Variants in CXADR observed in about 807,000 individuals in gnomAD.
The protein encoded by CXADR is coxsackievirus and adenovirus receptor.
CXADR carries 20 observed loss-of-function variants against 40.3 expected under a neutral mutation model. The observed-to-expected ratio is 0.50, with a 90% CI of 0.35 to 0.72. The LOEUF (loss-of-function observed/expected upper bound fraction) is 0.72, where lower values mean the gene tolerates loss of function less well. Ranked by LOEUF, CXADR falls within the 30% of genes least tolerant of loss-of-function variation. The pLI is 0.01. For synonymous variants in CXADR, 150 were observed against 161.3 expected (o/e 0.93, Z 0.53); for missense variants, 332 against 449.1 (o/e 0.74, Z 2.36).
At chr21:17,628,540 G>T in the CXADR span, among the ~76,000 whole-genome samples, 6 of 151,678 alleles carry the variant, frequency 4.0e-5, no homozygotes, top group Non-Finnish European at 5.9e-5. Context: ...TCGCTCTGTC[G>T]TCCAGGCTGG....
chr21:17,585,363 A>G, intron 7 of CXADR, among the ~76,000 whole-genome samples: 1 of 152,174 alleles, frequency 6.6e-6, no homozygotes, highest in Admixed American at 6.5e-5. Flanking sequence ...GCGTAAGAAA[A>G]CATTCCATGT....
chr21:17,522,876 C>T (rs1255162895), intron 1 of CXADR, among the ~76,000 whole-genome samples: 1 of 152,192 alleles, frequency 6.6e-6, no homozygotes, highest in Non-Finnish European at 1.5e-5. Context: ...CACACACTTC[C>T]CACAGGCATC....
At chr21:17,610,988 C>CA in the CXADR span, among the ~76,000 whole-genome samples, 50 of 152,234 alleles carry the variant, frequency 3.3e-4, no homozygotes, top group African/African-American at 1.1e-3. Context: ...GGAAGGCACA[C>CA]AAATCTTCCT....
At position 17,569,343 on chromosome 21, in the gene CXADR, T is replaced by G; in HGVS notation, c.*3651T>G. 2.0e-6 allele frequency: 2 copies of G among 984,316 alleles called. No individual in the cohort carries two copies. Among genetic ancestry groups the G allele is most frequent in the Non-Finnish European group, 2.4e-6 (2 of 829,694 alleles). The allele number at this position is 984,316 out of a possible 1,614,324, so 61.0% of individuals were successfully genotyped here. On this transcript the variant is annotated 3_prime_UTR_variant, in exon 7 of 7. Coordinates refer to ENST00000284878, the MANE Select transcript of CXADR (RefSeq NM_001338.5). ...AAAATGTTGGCACAATTTTAACTTC[T>G]TAGTGGCTTGTGACATTATATATTA...
At position 17,565,648 on chromosome 21, in the gene CXADR, C is replaced by G. The variant is rs533665464; in HGVS notation, c.1054C>G (p.Pro352Ala). 95 of 1,612,028 alleles carry G rather than the reference C, an allele frequency of 5.9e-5. No homozygotes were observed. The highest frequency in any genetic ancestry group is 7.3e-5 in the Non-Finnish European group (86 of 1,179,822). The stretch of plus-strand genomic sequence containing the variant: ...TAATCTAAGTCGAATGGGTGCGATT[C>G]CTGTGATGATTCCAGCACAGAGCAA... The part of the protein sequence containing the change: ...APNLSRMGAI[P>A]VMIPAQSKDG... Residue 352 changes from proline to alanine, a missense_variant, in exon 7 of 7, where the codon CCT becomes GCT. This residue lies in a region of CXADR where 150 missense variants were observed against 194.2 expected (regional missense o/e 0.77). Transcript: ENST00000284878.
downstream of CXADR, among the ~76,000 whole-genome samples, chr21:17,571,878 A>G (rs546394760): frequency 1.3e-5 from 2 of 152,282 alleles, no homozygotes; most frequent in Admixed American, 6.5e-5. Context: ...CGCATGCTTG[A>G]TATACCTCCT....
At chr21:17,521,793 A>G (rs1474571978) in intron 1 of CXADR, among the ~76,000 whole-genome samples, 2 of 152,146 alleles carry the variant, frequency 1.3e-5, no homozygotes, top group South Asian at 4.1e-4. Flanking sequence ...AGACTCTTTT[A>G]ACTTCCCTCC....
chr21:17,604,098 A>T, the CXADR span: 3 of 1,261,520 alleles, frequency 2.4e-6, no homozygotes, highest in Non-Finnish European at 3.1e-6. Context: ...GTGAAAAATA[A>T]CTTCCATTAT....
chr21:17,580,683 C>A (rs925713362), intron 7 of CXADR, among the ~76,000 whole-genome samples: 1 of 152,022 alleles, frequency 6.6e-6, no homozygotes, highest in South Asian at 2.1e-4. Context: ...TACATCTGAC[C>A]CTGCACTATT....
intron 3 of CXADR, 60 bp downstream of exon 3, chr21:17,552,013 C>T: frequency 8.0e-7 from 1 of 1,254,000 alleles, no homozygotes; most frequent in Non-Finnish European, 1.2e-6. Context: ...AGTCATAGTA[C>T]TGTAGTAGCA....
At chr21:17,618,703 A>AT in the CXADR span, among the ~76,000 whole-genome samples, 1 of 151,882 alleles carries the variant, frequency 6.6e-6, no homozygotes, top group Non-Finnish European at 1.5e-5. Context: ...CGCCCGGCTA[A>AT]TTTTTGTATT....
chr21:17,543,982 A>C (rs1344082048), intron 1 of CXADR, among the ~76,000 whole-genome samples: 1 of 152,154 alleles, frequency 6.6e-6, no homozygotes, highest in Non-Finnish European at 1.5e-5. Context: ...TGGGTAACAT[A>C]GTGAGACCTC....
At chr21:17,548,916 G>A (rs942377400) in intron 2 of CXADR, among the ~76,000 whole-genome samples, 1 of 152,152 alleles carries the variant, frequency 6.6e-6, no homozygotes, top group South Asian at 2.1e-4. Context: ...AAGAAAGAAG[G>A]GTTAGGAAGA....
At chr21:17,565,332 C>T (rs897787678) in intron 6 of CXADR, 96 bp from the exon 7 acceptor site, 2 of 1,334,178 alleles carry the variant, frequency 1.5e-6, no homozygotes, top group Admixed American at 2.1e-5. Flanking sequence ...TGTTTAGTAC[C>T]TAAATACAGG....
At chr21:17,541,978 A>G (rs1339017662) in intron 1 of CXADR, 2 of 336,384 alleles carry the variant, frequency 5.9e-6, no homozygotes, top group African/African-American at 2.3e-5. Flanking sequence ...GTTTCTCATC[A>G]TAGCTTTCAG....
intron 1 of CXADR, among the ~76,000 whole-genome samples, chr21:17,544,784 T>G (rs1211361951): frequency 6.6e-6 from 1 of 152,172 alleles, no homozygotes; most frequent in Non-Finnish European, 1.5e-5. Flanking sequence ...GGAGTGCATT[T>G]ACATGTGATT....
At chr21:17,548,159 T>A (rs1415450331) in intron 2 of CXADR, among the ~76,000 whole-genome samples, 1 of 152,166 alleles carries the variant, frequency 6.6e-6, no homozygotes, top group African/African-American at 2.4e-5. Context: ...AGAAATTTTG[T>A]TTTTACTTCA....
chr21:17,550,770 C>T (rs1369897758), intron 2 of CXADR, among the ~76,000 whole-genome samples: 1 of 152,156 alleles, frequency 6.6e-6, no homozygotes, highest in Non-Finnish European at 1.5e-5. Context: ...CTAAAGCATC[C>T]AGCCTTTAGT....
chr21:17,557,442 C>A (rs757114713), intron 3 of CXADR, among the ~76,000 whole-genome samples: 6 of 152,192 alleles, frequency 3.9e-5, no homozygotes, highest in Admixed American at 6.5e-5. Context: ...CCTGAGAATC[C>A]TTCAGCATCC....
Sources: gnomAD v4.1 joint callset for allele counts (sites outside exome capture counted in the v4.1 genomes callset) on GRCh38, gnomAD v4.1.1 for gene constraint, gnomAD v4.1.1 regional missense constraint, MANE v1.5 for transcripts, NCBI Gene and HGNC (gene_info 2026-07-23, HGNC 2026-07-21) for gene names.